ZNF536: variants seen among roughly 807,000 people sequenced by gnomAD.
ZNF536 encodes the protein zinc finger protein 536.
ZNF536 carries 13 observed loss-of-function variants against 84.5 expected under a neutral mutation model. The ratio of observed to expected loss-of-function variants is 0.15; its 90% confidence interval spans 0.10 to 0.24. ZNF536 has a LOEUF of 0.24. ZNF536 is among the 10% of genes least tolerant of loss of function. ZNF536 has a pLI of 1.00. For synonymous variants in ZNF536, 811 were observed against 742.5 expected (o/e 1.09, Z -1.50); for missense variants, 1,536 against 1,747.5 (o/e 0.88, Z 2.16).
intron 2 of ZNF536, among the ~76,000 whole-genome samples, chr19:30,308,946 C>T (rs1401743887): frequency 6.6e-6 from 1 of 152,008 alleles, no homozygotes; most frequent in African/African-American, 2.4e-5. Context: ...TTCGTGGCGT[C>T]CCCCCAGCCC....
chr19:30,667,084 G>A (rs1352091067), intron 1 of ZNF536, among the ~76,000 whole-genome samples: 1 of 152,110 alleles, frequency 6.6e-6, no homozygotes, highest in Non-Finnish European at 1.5e-5. Flanking sequence ...AATGCAAACT[G>A]TGCTGTAAGC....
chr19:30,415,272 GCTC>G (rs1169027589), intron 1 of ZNF536, among the ~76,000 whole-genome samples: 3 of 52,750 alleles, frequency 5.7e-5, no homozygotes, highest in African/African-American at 2.6e-4. Context: ...TCCTCCTCCT[GCTC>G]CTCCTCCTCC....
At chr19:30,582,604 G>A (rs1369117695) in intron 1 of ZNF536, among the ~76,000 whole-genome samples, 4 of 151,774 alleles carry the variant, frequency 2.6e-5, no homozygotes, top group Non-Finnish European at 4.4e-5. Context: ...TTCTCACACT[G>A]CTGATAAAGA....
At chr19:30,564,859 A>C (rs1166839999) in intron 1 of ZNF536, among the ~76,000 whole-genome samples, 1 of 152,106 alleles carries the variant, frequency 6.6e-6, no homozygotes, top group Non-Finnish European at 1.5e-5. Context: ...GACTCCAAGG[A>C]TTGGAAACGG....
At chr19:30,529,688 G>C (rs1010638901) in intron 2 of ZNF536, among the ~76,000 whole-genome samples, 3 of 152,146 alleles carry the variant, frequency 2.0e-5, no homozygotes, top group Admixed American at 2.0e-4. Context: ...CCTTGTTCCT[G>C]GTAACAGACC....
chr19:30,408,385 G>A (rs1448743944), intron 1 of ZNF536, among the ~76,000 whole-genome samples: 1 of 152,148 alleles, frequency 6.6e-6, no homozygotes, highest in Admixed American at 6.5e-5. Flanking sequence ...ATGCCCTTGT[G>A]AGCCAGCCTC....
chr19:30,272,457 A>G (rs2867023), intron 1 of ZNF536, among the ~76,000 whole-genome samples: 97,949 of 152,026 alleles, frequency 0.64, 33,450 homozygotes, highest in East Asian at 0.92. Flanking sequence ...TTATATTCAG[A>G]TTCACTCTTT....
chr19:30,544,324 C>T lies in ZNF536; in HGVS notation c.2324-3619C>T, dbSNP rs139743627. On this transcript the variant is annotated intron_variant, in intron 3 of 4. Transcript: ENST00000355537. ...GAACTTTCTAGAACCTTGCATAGCA[C>T]GTGCATTCAGAAAACCCTTGAAAGC... Among the ~76,000 whole-genome samples the T allele has an allele frequency of 7.1e-3, 1,084 of 152,286 alleles. 15 individuals are homozygous for T. Among genetic ancestry groups the T allele is most frequent in the African/African-American group, 0.025 (1,042 of 41,558 alleles).
At chr19:30,368,153 ACT>A (rs2048498034), upstream of ZNF536, among the ~76,000 whole-genome samples, 2 of 151,496 alleles carry the variant, frequency 1.3e-5, no homozygotes, top group South Asian at 4.2e-4. Flanking sequence ...ATACTCCCCC[ACT>A]CTCTGCAAGG....
At chr19:30,481,106 A>G (rs983055108) in intron 2 of ZNF536, among the ~76,000 whole-genome samples, 14 of 150,914 alleles carry the variant, frequency 9.3e-5, no homozygotes, top group Non-Finnish European at 1.8e-4. Flanking sequence ...CTTGGCTTTC[A>G]TTAAAGATAA....
chr19:30,381,373 T>C (rs1568374277), intron 1 of ZNF536, among the ~76,000 whole-genome samples: 1 of 152,150 alleles, frequency 6.6e-6, no homozygotes, highest in Non-Finnish European at 1.5e-5. Context: ...ACCTCATACA[T>C]GAACAGGATT....
rs368950355 is a variant in ZNF536, at chr19:30,542,911, A to C, written c.2324-5032A>C. On this transcript the variant is annotated intron_variant, in intron 3 of 4. Transcript: ENST00000355537. ...ATTGCAGCCTCCAACTCCTGGACTCAAGCGATCCTCCTGCCTCAGCCTCCC... is the reference window on the plus strand; with the variant it reads ...ATTGCAGCCTCCAACTCCTGGACTCCAGCGATCCTCCTGCCTCAGCCTCCC... Among the ~76,000 whole-genome samples, 3 of 152,254 alleles carry C rather than the reference A, an allele frequency of 2.0e-5. 1 individual carries two copies. Among genetic ancestry groups the C allele is most frequent in the African/African-American group, 7.2e-5 (3 of 41,536 alleles).
intron 1 of ZNF536, among the ~76,000 whole-genome samples, chr19:30,392,072 G>T (rs1160101426): frequency 6.6e-6 from 1 of 152,156 alleles, no homozygotes; most frequent in Non-Finnish European, 1.5e-5. Context: ...CCGGAGCTGG[G>T]GGCCAGAGGA....
intron 1 of ZNF536, among the ~76,000 whole-genome samples, chr19:30,406,607 C>T (rs2050270264): frequency 6.6e-6 from 1 of 152,126 alleles, no homozygotes; most frequent in East Asian, 1.9e-4. Flanking sequence ...GGTCATCTCC[C>T]AGCTCTGTTT....
chr19:30,683,906 G>T (rs928655848), intron 1 of ZNF536, among the ~76,000 whole-genome samples: 9 of 152,112 alleles, frequency 5.9e-5, no homozygotes, highest in Non-Finnish European at 1.0e-4. Context: ...GAGCAACATG[G>T]AATCATACCT....
At chr19:30,606,247 TAAAATAA>T (rs2047877468) in intron 1 of ZNF536, among the ~76,000 whole-genome samples, 2 of 22,810 alleles carry the variant, frequency 8.8e-5, no homozygotes, top group African/African-American at 4.0e-4. Context: ...TAAAATAAAA[TAAAATAA>T]ATAAAATAAA....
chr19:30,268,182 C>T lies in ZNF536; in HGVS notation c.-189-15890C>T, dbSNP rs73924255. Among the ~76,000 whole-genome samples, 622 of 151,086 alleles carry T rather than the reference C, an allele frequency of 4.1e-3. 4 individuals are homozygous for T. The highest frequency in any genetic ancestry group is 0.014 in the African/African-American group (594 of 41,200). On this transcript the variant is annotated intron_variant, in intron 1 of 5. Coordinates refer to the ZNF536 transcript ENST00000585628. The stretch of plus-strand genomic sequence containing the variant: ...AAATGATCTACTAGTGTTTAGATCC[C>T]GCGTTGTAATTGGTAGGCACTTAAT...
rs555668634 is a variant in ZNF536 at position 30,695,219 on chromosome 19, T to C, written c.170-15538T>C. 2.6e-5 allele frequency among the ~76,000 whole-genome samples: 4 copies of C among 151,928 alleles called. 1 individual carries two copies. The highest frequency in any genetic ancestry group is 4.2e-4 in the South Asian group (2 of 4,800). The stretch of plus-strand genomic sequence containing the variant: ...TGCTCCAGGGTCACCTGTTAGGAGG[T>C]GTGGCCTGCACGGAGGAAGGAAGCC... On this transcript the variant is annotated intron_variant, in intron 1 of 1. Transcript: ENST00000592773.
Position 30,549,463 on chromosome 19 carries a change from C to A in ZNF536, c.3844C>A (p.Leu1282Ile), listed in dbSNP as rs950607726. The stretch of plus-strand genomic sequence containing the variant: ...TGATGGCTTAGCAGCCTTTAACGGA[C>A]TTGCAAGTAGCACAGCAAATTCTGG... ...SSDGLAAFNG[L>I]ASSTANSGCI... is the part of the protein sequence containing the mutation. Residue 1282 changes from leucine to isoleucine, a missense_variant, in exon 4 of 5, where the codon CTT (leucine) becomes ATT (isoleucine). Leu to Ile is a conservative substitution (Grantham distance 5). Transcript: ENST00000355537. The A allele has an allele frequency of 6.6e-7, 1 of 1,521,662 alleles. No homozygotes were observed. The allele number at this position is 1,521,662 out of a possible 1,614,324, so 94.3% of individuals were successfully genotyped here.
Sources: gnomAD v4.1 joint callset for allele counts (sites outside exome capture counted in the v4.1 genomes callset) on GRCh38, gnomAD v4.1.1 for gene constraint, MANE v1.5 for transcripts, NCBI Gene and HGNC (gene_info 2026-07-23, HGNC 2026-07-21) for gene names.